LRRC4C: variants seen among roughly 807,000 people sequenced by gnomAD.
LRRC4C encodes the protein leucine-rich repeat-containing protein 4C.
LRRC4C carries 5 observed loss-of-function variants against 33.6 expected under a neutral mutation model. The observed-to-expected ratio is 0.15, with a 90% confidence interval of 0.08 to 0.31. The LOEUF (loss-of-function observed/expected upper bound fraction) is 0.31, where lower values mean the gene tolerates loss of function less well. LRRC4C is among the 10% of genes least tolerant of loss of function. The probability of loss-of-function intolerance (pLI) is 1.00; values close to 1 mark genes in which losing one functional copy is unlikely to be tolerated. For missense variants in LRRC4C, 560 were observed against 796.7 expected (o/e 0.70, Z 3.58); for synonymous variants, 329 against 302.0 (o/e 1.09, Z -0.93).
intron 4 of LRRC4C, among the ~76,000 whole-genome samples, chr11:40,299,525 CACA>C (rs1469323392): frequency 2.6e-5 from 4 of 152,114 alleles, no homozygotes; most frequent in Non-Finnish European, 5.9e-5. Context: ...GACAAGATAC[CACA>C]ACATTGAACA....
chr11:40,276,443 G>A (rs144832320), intron 4 of LRRC4C, among the ~76,000 whole-genome samples: 19 of 152,216 alleles, frequency 1.2e-4, no homozygotes, highest in African/African-American at 4.3e-4. Flanking sequence ...TTAAAGCTAC[G>A]GTTATATTCT....
At chr11:41,312,019 C>T (rs571099381) in intron 1 of LRRC4C, among the ~76,000 whole-genome samples, 4 of 152,292 alleles carry the variant, frequency 2.6e-5, no homozygotes, top group African/African-American at 7.2e-5. Context: ...AAGACCGACA[C>T]GTTTTATCAA....
chr11:40,592,019 A>G (rs1297902306), intron 3 of LRRC4C, among the ~76,000 whole-genome samples: 1 of 151,744 alleles, frequency 6.6e-6, no homozygotes, highest in East Asian at 1.9e-4. Context: ...TGCCCAATTC[A>G]TGAATCACTA....
Position 40,281,485 on chromosome 11 carries a change from C to T in LRRC4C, c.-176+38143G>A, listed in dbSNP as rs144486533. 8.5e-4 allele frequency among the ~76,000 whole-genome samples: 129 copies of T among 152,132 alleles called. 1 individual carries two copies. The East Asian group carries it at 0.023, about 27-fold the overall frequency. The stretch of plus-strand genomic sequence containing the variant: ...CTCTTTCCCCTAAGGTTGTAAAAAT[C>T]GGCACACTCTGAGATTTGGCTCAGG... On this transcript the variant is annotated intron_variant, in intron 4 of 6. Transcript: ENST00000528697.
chr11:40,918,658 G>T (rs562626425), intron 2 of LRRC4C, among the ~76,000 whole-genome samples: 7 of 152,182 alleles, frequency 4.6e-5, no homozygotes, highest in Admixed American at 2.6e-4. Context: ...TCTCTAGCAG[G>T]TTTGTCACTT....
intron 1 of LRRC4C, among the ~76,000 whole-genome samples, chr11:41,007,124 A>ACC (rs1854812569): frequency 6.6e-6 from 1 of 152,122 alleles, no homozygotes; most frequent in Non-Finnish European, 1.5e-5. Flanking sequence ...TGTTTCAAAA[A>ACC]CCCTGTTGCC....
rs79644910 is a variant in LRRC4C at position 40,312,454 on chromosome 11, G to T, written c.-176+7174C>A. On this transcript the variant is annotated intron_variant, in intron 4 of 6. Coordinates refer to ENST00000528697, the MANE Select transcript of LRRC4C (RefSeq NM_001258419.2). ...TAAAGGAGCTTAGTTCCAGCCATGT[G>T]CATGGGAATTTATTCACATCATTTA... is the stretch of plus-strand genomic sequence containing the variant. Among the ~76,000 whole-genome samples, 432 of 152,264 alleles carry T rather than the reference G, an allele frequency of 2.8e-3. 3 individuals carry two copies. Among genetic ancestry groups the T allele is most frequent in the African/African-American group, 9.9e-3 (411 of 41,546 alleles).
rs554604116 is a variant in LRRC4C at position 40,181,467 on chromosome 11, C to T, written c.-95-40614G>A. 4.3e-4 allele frequency among the ~76,000 whole-genome samples: 66 copies of T among 152,282 alleles called. No individual in the cohort carries two copies. The South Asian group carries it at 9.5e-3, about 22-fold the overall frequency. On this transcript the variant is annotated intron_variant, in intron 5 of 6. Transcript: ENST00000528697. Reference sequence around the variant, plus strand: ...TCTGGACTCACCTCTACCCCTCAGGCACATGGGGTACACTACAAATTAGGA... The same window carrying T: ...TCTGGACTCACCTCTACCCCTCAGGTACATGGGGTACACTACAAATTAGGA...
At chr11:40,947,018 T>C (rs1320817708) in intron 1 of LRRC4C, among the ~76,000 whole-genome samples, 1 of 152,094 alleles carries the variant, frequency 6.6e-6, no homozygotes, top group Non-Finnish European at 1.5e-5. Context: ...CTGAATGACT[T>C]TTGGGTATAA....
At chr11:40,886,696 AAGTT>A (rs1955474919) in intron 2 of LRRC4C, among the ~76,000 whole-genome samples, 1 of 151,966 alleles carries the variant, frequency 6.6e-6, no homozygotes. Context: ...AAACTTCTAA[AAGTT>A]AGAAAAAAAG....
chr11:40,813,978 G>A (rs1385218058), intron 2 of LRRC4C, among the ~76,000 whole-genome samples: 1 of 152,200 alleles, frequency 6.6e-6, no homozygotes, highest in African/African-American at 2.4e-5. Flanking sequence ...TTGCAGGGTA[G>A]AGCCCTTCTC....
At chr11:40,514,869 A>G (rs1955499866) in intron 3 of LRRC4C, among the ~76,000 whole-genome samples, 1 of 152,138 alleles carries the variant, frequency 6.6e-6, no homozygotes, top group Non-Finnish European at 1.5e-5. Context: ...CAATTTCAAA[A>G]ATTATCAAAC....
chr11:40,284,173 C>A (rs1305017800), intron 4 of LRRC4C, among the ~76,000 whole-genome samples: 1 of 152,176 alleles, frequency 6.6e-6, no homozygotes, highest in African/African-American at 2.4e-5. Flanking sequence ...AGGTAACTTG[C>A]TCTGAGACTT....
chr11:40,984,227 G>T (rs1488908493), intron 1 of LRRC4C, among the ~76,000 whole-genome samples: 1 of 146,184 alleles, frequency 6.8e-6, no homozygotes, highest in Non-Finnish European at 1.5e-5. Context: ...AAGGAAGAAA[G>T]AGGAAAGGAA....
At chr11:40,949,836 A>G (rs577896533) in intron 1 of LRRC4C, among the ~76,000 whole-genome samples, 14 of 152,182 alleles carry the variant, frequency 9.2e-5, no homozygotes, top group Admixed American at 9.2e-4. Context: ...AGCTAACATC[A>G]TAATGACAGG....
chr11:40,301,039 T>C (rs1944750550), intron 4 of LRRC4C, among the ~76,000 whole-genome samples: 1 of 152,204 alleles, frequency 6.6e-6, no homozygotes, highest in African/African-American at 2.4e-5. Flanking sequence ...TACCCATTGA[T>C]AATCTTCCTA....
intron 2 of LRRC4C, among the ~76,000 whole-genome samples, chr11:40,668,485 G>A (rs529326891): frequency 1.5e-3 from 225 of 152,206 alleles, no homozygotes; most frequent in Non-Finnish European, 2.6e-3. Flanking sequence ...AATAAAGTTC[G>A]CAAGGGAAGA....
At chr11:41,456,371 C>T (rs763916383) in intron 1 of LRRC4C, among the ~76,000 whole-genome samples, 12 of 152,082 alleles carry the variant, frequency 7.9e-5, no homozygotes, top group Non-Finnish European at 1.2e-4. Flanking sequence ...AGGTGATGTT[C>T]CTGGCTTTTT....
intron 3 of LRRC4C, among the ~76,000 whole-genome samples, chr11:40,352,274 G>T: frequency 6.7e-6 from 1 of 148,850 alleles, no homozygotes. Flanking sequence ...TTTTAAATTT[G>T]ATGTTACCAT....
Sources: allele counts gnomAD v4.1 joint callset (sites outside exome capture counted in the v4.1 genomes callset), GRCh38; gene constraint gnomAD v4.1.1; transcripts MANE v1.5; gene names NCBI Gene and HGNC (gene_info 2026-07-23, HGNC 2026-07-21).